The following GKAP1 variants were observed in gnomAD, a reference collection of about 807,000 sequenced individuals.
GKAP1 encodes the protein G kinase anchoring protein 1.
Under a neutral mutation model 56.7 loss-of-function variants are expected in GKAP1, and 31 were observed. That is an observed-to-expected ratio of 0.55 (90% CI 0.41 to 0.74). The LOEUF is 0.74. Ranked by LOEUF, GKAP1 falls within the 30% of genes least tolerant of loss-of-function variation. The probability of loss-of-function intolerance (pLI) is 0.00; values close to 1 mark genes in which losing one functional copy is unlikely to be tolerated. For missense variants in GKAP1, 364 were observed against 402.3 expected (o/e 0.90, Z 0.82); for synonymous variants, 151 against 138.6 (o/e 1.09, Z -0.63).
chr9:83,774,814 AT>A lies in GKAP1; in HGVS notation c.585+5567del, dbSNP rs1325434660. The stretch of plus-strand genomic sequence containing the variant: ...AACCTCCACCTCCCGGGTTCAGGCG[AT>A]TCTCCTGCCTCAGCTCCTGAGTAGC... On this transcript the variant is annotated intron_variant, in intron 7 of 12. Coordinates refer to ENST00000376371, the MANE Select transcript of GKAP1 (RefSeq NM_025211.4). Among the ~76,000 whole-genome samples, 10 of 140,652 alleles carry A rather than the reference AT, an allele frequency of 7.1e-5. No homozygotes were observed. The East Asian group carries it at 1.4e-3, about 20-fold the overall frequency. The allele number at this position is 140,652 out of a possible 152,430, so 92.3% of individuals were successfully genotyped here.
intron 7 of GKAP1, among the ~76,000 whole-genome samples, chr9:83,778,609 T>C (rs1943901027): frequency 6.6e-6 from 1 of 151,946 alleles, no homozygotes; most frequent in Non-Finnish European, 1.5e-5. Context: ...GCTTAATACC[T>C]GGGTGACAAA....
intron 8 of GKAP1, among the ~76,000 whole-genome samples, chr9:83,759,937 CT>C (rs1406846435): frequency 2.6e-5 from 4 of 152,202 alleles, no homozygotes; most frequent in African/African-American, 9.6e-5. Flanking sequence ...TTGCCACAGT[CT>C]TTTCCAACTT....
chr9:83,784,806 C>T lies in GKAP1; in HGVS notation c.471G>A (p.Gln157=). The change falls in exon 6 of 13, where the codon CAG becomes CAA. Residue 157 remains glutamine, a synonymous_variant. Coordinates refer to ENST00000376371, the MANE Select transcript of GKAP1 (RefSeq NM_025211.4). ...EYEDAENTST[Q]SKVMNKKDKR... is the part of the protein sequence containing the mutation. ...TATCTTTTTTATTCATAACTTTGGA[C>T]TGAGTTGAAGTATTTTCAGCATCTT... 1 of 1,597,354 alleles carries T rather than the reference C, an allele frequency of 6.3e-7. No individual in the cohort carries two copies. Among genetic ancestry groups the T allele is most frequent in the Non-Finnish European group, 8.6e-7 (1 of 1,169,224 alleles).
At chr9:83,807,506 T>C (rs1284578436) in intron 2 of GKAP1, among the ~76,000 whole-genome samples, 1 of 152,212 alleles carries the variant, frequency 6.6e-6, no homozygotes, top group Non-Finnish European at 1.5e-5. Flanking sequence ...AAAAACTGAA[T>C]ATTCAATTTG....
intron 11 of GKAP1, among the ~76,000 whole-genome samples, 157 bp from the exon 12 acceptor site, chr9:83,742,186 T>C (rs1392322499): frequency 6.6e-6 from 1 of 152,144 alleles, no homozygotes; most frequent in Non-Finnish European, 1.5e-5. Flanking sequence ...CACAGCTCTA[T>C]GTTAAAGATG....
At chr9:83,742,721 A>C in intron 10 of GKAP1, 121 bp from the exon 11 acceptor site, 1 of 557,454 alleles carries the variant, frequency 1.8e-6, no homozygotes, top group Non-Finnish European at 3.2e-6. Context: ...ATACTTAAAG[A>C]ATCTACTTCT....
chr9:83,792,984 C>T (rs1286267112), intron 4 of GKAP1: 1 of 1,278,686 alleles, frequency 7.8e-7, no homozygotes, highest in East Asian at 5.7e-5. Context: ...AGATCCCCTT[C>T]CTCTTGACTT....
At chr9:83,800,284 G>A (rs1195034758) in intron 3 of GKAP1, among the ~76,000 whole-genome samples, 4 of 149,070 alleles carry the variant, frequency 2.7e-5, no homozygotes, top group Admixed American at 6.6e-5. Flanking sequence ...GTTCTGCAAG[G>A]AGCAGTTTAA....
intron 5 of GKAP1, 93 bp from the exon 6 acceptor site, chr9:83,784,931 A>T: frequency 9.2e-7 from 1 of 1,083,976 alleles, no homozygotes; most frequent in Non-Finnish European, 1.3e-6. Context: ...TTTATTTTTT[A>T]AAGATAAAAG....
intron 7 of GKAP1, among the ~76,000 whole-genome samples, chr9:83,777,548 T>C (rs1045679718): frequency 6.6e-6 from 1 of 152,176 alleles, no homozygotes; most frequent in Non-Finnish European, 1.5e-5. Flanking sequence ...CAAGTTTAGC[T>C]AGCACCAAGA....
chr9:83,782,097 C>T (rs1218972550), intron 6 of GKAP1, among the ~76,000 whole-genome samples: 1 of 151,956 alleles, frequency 6.6e-6, no homozygotes, highest in Non-Finnish European at 1.5e-5. Flanking sequence ...CCACCTCGGC[C>T]TCCCAAAGTG....
intron 5 of GKAP1, among the ~76,000 whole-genome samples, chr9:83,788,213 G>C (rs977057728): frequency 6.6e-6 from 1 of 152,296 alleles, no homozygotes; most frequent in African/African-American, 2.4e-5. Flanking sequence ...GGGAGGCGGA[G>C]GTTGCAGTGA....
At chr9:83,797,483 C>T (rs1944266355) in intron 4 of GKAP1, among the ~76,000 whole-genome samples, 1 of 152,170 alleles carries the variant, frequency 6.6e-6, no homozygotes. Context: ...TTGCCCTTAT[C>T]TCTTCCTCAC....
In GKAP1 at chr9:83,739,746, T is replaced by C; in HGVS notation, c.1054-2A>G. The C allele has an allele frequency of 6.3e-7, 1 of 1,592,270 alleles. No individual in the cohort carries two copies. Among genetic ancestry groups the C allele is most frequent in the Admixed American group, 1.7e-5 (1 of 57,810 alleles). ...GTTTCTTTTCCCTTTTCTGCCACCC[T>C]GTAAAAAAAAAAAAAAATAGGGAAA... On this transcript the variant is annotated splice_acceptor_variant, in intron 12 of 12. Coordinates refer to ENST00000376371, the MANE Select transcript of GKAP1 (RefSeq NM_025211.4). LOFTEE classifies it high-confidence loss of function.
At chr9:83,788,065 C>G (rs1313181354) in intron 5 of GKAP1, among the ~76,000 whole-genome samples, 2 of 152,144 alleles carry the variant, frequency 1.3e-5, no homozygotes, top group Non-Finnish European at 2.9e-5. Context: ...ATCAGCAGAG[C>G]TCAGGAGTTT....
At chr9:83,794,530 G>A (rs976871531) in intron 4 of GKAP1, among the ~76,000 whole-genome samples, 3 of 152,172 alleles carry the variant, frequency 2.0e-5, no homozygotes, top group Non-Finnish European at 2.9e-5. Flanking sequence ...AGGATGTCAC[G>A]TAAGAGAGAA....
At position 83,784,854 on chromosome 9, in the gene GKAP1, A is replaced by G. The variant is rs1169611254; in HGVS notation, c.439-16T>C. ...CTTCATACTCCTAAAAAGAATTACC[A>G]ACAACAATTAAGTTCAGTTTACAAA... On this transcript the variant is annotated splice_polypyrimidine_tract_variant and intron_variant, in intron 5 of 12. Transcript: ENST00000376371. The G allele has an allele frequency of 6.6e-6, 10 of 1,517,844 alleles. No homozygotes were observed. Among genetic ancestry groups the G allele is most frequent in the African/African-American group, 4.2e-5 (3 of 71,092 alleles). 94.0% of individuals were successfully genotyped at this position (1,517,844 alleles called of 1,614,324 possible). A position where few individuals can be genotyped will look rare whatever the true frequency, so the allele number is the denominator to read the frequency against.
At chr9:83,794,842 T>C (rs1944217581) in intron 4 of GKAP1, among the ~76,000 whole-genome samples, 1 of 152,200 alleles carries the variant, frequency 6.6e-6, no homozygotes, top group African/African-American at 2.4e-5. Context: ...TTTCTTGATC[T>C]TGATTTAATC....
chr9:83,772,910 T>A (rs1943787013), intron 7 of GKAP1, among the ~76,000 whole-genome samples: 1 of 152,112 alleles, frequency 6.6e-6, no homozygotes, highest in Non-Finnish European at 1.5e-5. Context: ...ATGGCTATAA[T>A]CAAAACAAGA....
Sources: gnomAD v4.1 joint callset for allele counts (sites outside exome capture counted in the v4.1 genomes callset) on GRCh38, gnomAD v4.1.1 for gene constraint, MANE v1.5 for transcripts, NCBI Gene and HGNC (gene_info 2026-07-23, HGNC 2026-07-21) for gene names.